CCDC178: variants seen among roughly 807,000 people sequenced by gnomAD.
The protein encoded by CCDC178 is coiled-coil domain-containing protein 178.
Under a neutral mutation model 117.4 loss-of-function variants are expected in CCDC178, and 126 were observed. The observed-to-expected ratio is 1.07, with a 90% CI of 0.93 to 1.24. The LOEUF is 1.24. Among genes scored for constraint, CCDC178 ranks in the 50% most tolerant of loss-of-function variants. The probability of loss-of-function intolerance (pLI) is 0.00; values close to 1 mark genes in which losing one functional copy is unlikely to be tolerated. For synonymous variants in CCDC178, 283 were observed against 313.4 expected (o/e 0.90, Z 1.02); for missense variants, 1,030 against 986.9 (o/e 1.04, Z -0.59).
intron 20 of CCDC178, among the ~76,000 whole-genome samples, chr18:33,161,024 CA>C (rs369774683): frequency 5.5e-4 from 84 of 152,146 alleles, no homozygotes; most frequent in African/African-American, 1.9e-3. Flanking sequence ...CATAAGTAAA[CA>C]AATTCTCAAA....
chr18:33,286,894 T>C (rs982768904), intron 12 of CCDC178, among the ~76,000 whole-genome samples: 2 of 152,202 alleles, frequency 1.3e-5, no homozygotes, highest in African/African-American at 2.4e-5. Context: ...AAAATTATTT[T>C]CTTAAAAAAT....
chr18:33,351,048 C>A (rs981829023), intron 7 of CCDC178, among the ~76,000 whole-genome samples: 3 of 151,930 alleles, frequency 2.0e-5, no homozygotes, highest in Non-Finnish European at 4.4e-5. Context: ...AGTTCCCTTA[C>A]AATCTAGTTT....
chr18:33,035,547 G>A (rs1022650813), intron 21 of CCDC178, among the ~76,000 whole-genome samples: 1 of 151,952 alleles, frequency 6.6e-6, no homozygotes. Flanking sequence ...CTCACTTGAT[G>A]TAGAACCCAA....
chr18:33,381,072 C>T (rs1305786109), intron 5 of CCDC178, among the ~76,000 whole-genome samples: 1 of 152,188 alleles, frequency 6.6e-6, no homozygotes, highest in African/African-American at 2.4e-5. Context: ...CAAGTTCCTA[C>T]ATTAATATAG....
chr18:33,213,670 A>G (rs2059133005), intron 19 of CCDC178, among the ~76,000 whole-genome samples: 1 of 152,072 alleles, frequency 6.6e-6, no homozygotes, highest in South Asian at 2.1e-4. Context: ...ATGTACGTGT[A>G]TATCTATGCA....
At chr18:33,145,476 T>C (rs2058256964) in intron 20 of CCDC178, among the ~76,000 whole-genome samples, 1 of 152,200 alleles carries the variant, frequency 6.6e-6, no homozygotes, top group African/African-American at 2.4e-5. Flanking sequence ...TTGGGTATAG[T>C]ACACTTGAAA....
chr18:32,962,416 T>C (rs2054722521), intron 22 of CCDC178, among the ~76,000 whole-genome samples: 1 of 152,138 alleles, frequency 6.6e-6, no homozygotes, highest in Non-Finnish European at 1.5e-5. Flanking sequence ...AATACTTCTT[T>C]TAGCATTTAC....
chr18:33,393,778 A>G (rs190954732), intron 4 of CCDC178, among the ~76,000 whole-genome samples: 1 of 152,210 alleles, frequency 6.6e-6, no homozygotes, highest in African/African-American at 2.4e-5. Context: ...ACTGTTATGA[A>G]TAAAGTTATA....
At chr18:33,395,324 G>A (rs2144842012) in intron 4 of CCDC178, among the ~76,000 whole-genome samples, 1 of 151,640 alleles carries the variant, frequency 6.6e-6, no homozygotes, top group East Asian at 1.9e-4. Flanking sequence ...GCTTCAAAGG[G>A]CCTATAGCAC....
rs114115291 is a variant in CCDC178 at position 33,293,584 on chromosome 18, G to A, written c.1023-272C>T. ...GTAGGCGGAGATGGGAGGATTCATC[G>A]AGCCCAGGAGGTTGAGGCTGTAGTG... On this transcript the variant is annotated intron_variant, in intron 11 of 22. Transcript: ENST00000383096. Among the ~76,000 whole-genome samples the A allele has an allele frequency of 7.3e-3, 1,109 of 152,134 alleles. 9 individuals carry two copies. The highest frequency in any genetic ancestry group is 0.026 in the African/African-American group (1,059 of 41,492).
chr18:33,282,066 T>C (rs1416695613), intron 12 of CCDC178, among the ~76,000 whole-genome samples: 1 of 151,746 alleles, frequency 6.6e-6, no homozygotes, highest in East Asian at 1.9e-4. Flanking sequence ...AGAAGCTGGG[T>C]TGAAGGGGGA....
At chr18:33,116,856 C>T (rs976952192) in intron 20 of CCDC178, among the ~76,000 whole-genome samples, 6 of 120,152 alleles carry the variant, frequency 5.0e-5, no homozygotes, top group African/African-American at 1.6e-4. Context: ...ATATTATATG[C>T]AGACATCACC....
intron 20 of CCDC178, among the ~76,000 whole-genome samples, chr18:33,119,755 A>G (rs1448909427): frequency 6.6e-6 from 1 of 152,202 alleles, no homozygotes; most frequent in Non-Finnish European, 1.5e-5. Context: ...TTGCGGCACT[A>G]TTCACAATAG....
At chr18:33,234,155 A>C (rs754344122) in intron 15 of CCDC178, among the ~76,000 whole-genome samples, 20 of 152,120 alleles carry the variant, frequency 1.3e-4, no homozygotes, top group Non-Finnish European at 2.8e-4. Flanking sequence ...TTACTTCCTC[A>C]AATGTGTCAG....
intron 9 of CCDC178, among the ~76,000 whole-genome samples, chr18:33,337,780 A>G (rs1379801196): frequency 6.6e-6 from 1 of 152,216 alleles, no homozygotes; most frequent in Non-Finnish European, 1.5e-5. Context: ...AAAGACTTAG[A>G]TCTAATACTT....
intron 15 of CCDC178, among the ~76,000 whole-genome samples, chr18:33,235,474 C>A (rs2059416773): frequency 2.0e-5 from 3 of 152,134 alleles, no homozygotes; most frequent in African/African-American, 2.4e-5. Flanking sequence ...GTGTTAATAA[C>A]AATTGCACAG....
At chr18:33,185,026 T>C (rs567513272) in intron 20 of CCDC178, among the ~76,000 whole-genome samples, 1 of 152,062 alleles carries the variant, frequency 6.6e-6, no homozygotes, top group Non-Finnish European at 1.5e-5. Flanking sequence ...GTACACAGCT[T>C]TTTTTTTCTG....
At chr18:33,085,013 A>C (rs559790113) in intron 21 of CCDC178, among the ~76,000 whole-genome samples, 33 of 151,920 alleles carry the variant, frequency 2.2e-4, no homozygotes, top group Non-Finnish European at 4.1e-4. Flanking sequence ...TGTTTTTCTA[A>C]TGGATTATCA....
intron 7 of CCDC178, among the ~76,000 whole-genome samples, chr18:33,353,288 A>C (rs910788333): frequency 6.6e-6 from 1 of 151,976 alleles, no homozygotes; most frequent in Non-Finnish European, 1.5e-5. Context: ...TAAGCTACTT[A>C]TGTCTTTGTA....
Sources: gnomAD v4.1 joint callset for allele counts (sites outside exome capture counted in the v4.1 genomes callset) on GRCh38, gnomAD v4.1.1 for gene constraint, MANE v1.5 for transcripts, NCBI Gene and HGNC (gene_info 2026-07-23, HGNC 2026-07-21) for gene names.